Variants in FOLH1 observed in about 807,000 individuals in gnomAD.
FOLH1 encodes the protein glutamate carboxypeptidase 2.
Under a neutral mutation model 93.9 loss-of-function variants are expected in FOLH1, and 54 were observed. That is an observed-to-expected ratio of 0.57 (90% confidence interval 0.46 to 0.72). The LOEUF (loss-of-function observed/expected upper bound fraction) is 0.72. Ranked by LOEUF, FOLH1 falls within the 30% of genes least tolerant of loss-of-function variation. The probability of loss-of-function intolerance (pLI) is 0.00; values close to 1 mark genes in which losing one functional copy is unlikely to be tolerated. For missense variants in FOLH1, 571 were observed against 892.5 expected, an observed-to-expected ratio of 0.64 and a Z score of 4.59; for synonymous variants, 249 against 303.6, an observed-to-expected ratio of 0.82 and a Z score of 1.87.
intron 3 of FOLH1, among the ~76,000 whole-genome samples, chr11:49,197,732 C>T (rs1476608892): frequency 6.6e-6 from 1 of 152,014 alleles, no homozygotes; most frequent in Non-Finnish European, 1.5e-5. Flanking sequence ...AGTAAGAGAA[C>T]ATGGTGGTTG....
At position 49,208,401 on chromosome 11, in the gene FOLH1, A is replaced by G; in HGVS notation, c.9T>C (p.Asn3=). MW[N]LLHETDSAVA... is the part of the protein sequence containing the mutation. ...CAGCCGAGTCGGTTTCGTGAAGGAGATTCCACATCTCGGCGCGAGCAGAGC... is the reference window on the plus strand; with the variant it reads ...CAGCCGAGTCGGTTTCGTGAAGGAGGTTCCACATCTCGGCGCGAGCAGAGC... Residue 3 remains asparagine, a synonymous_variant, in exon 1 of 19, where the codon AAT becomes AAC. Coordinates refer to ENST00000256999, the MANE Select transcript of FOLH1 (RefSeq NM_004476.3). 1.3e-6 allele frequency: 2 copies of G among 1,597,794 alleles called. No homozygotes were observed. The highest frequency in any genetic ancestry group is 1.3e-5 in the African/African-American group (1 of 74,516).
chr11:49,207,963 A>AAAACAAAACG (rs1383199324), intron 1 of FOLH1: 4 of 572,322 alleles, frequency 7.0e-6, no homozygotes, highest in Admixed American at 6.7e-5. Flanking sequence ...AAAACAAAAC[A>AAAACAAAACG]AAACAAAACA....
At chr11:49,161,055 T>A (rs1480784097) in intron 13 of FOLH1, among the ~76,000 whole-genome samples, 7 of 152,224 alleles carry the variant, frequency 4.6e-5, no homozygotes, top group Non-Finnish European at 1.0e-4. Context: ...AATTATGTGA[T>A]CAATTTTAGA....
At chr11:49,157,858 C>A (rs377176906) in intron 14 of FOLH1, 94 bp downstream of exon 14, 29 of 1,245,584 alleles carry the variant, frequency 2.3e-5, no homozygotes, top group South Asian at 2.2e-4. Context: ...CATTTTGAAA[C>A]TTAATTTTTC....
At chr11:49,148,781 CT>C in intron 17 of FOLH1, 50 bp from the exon 18 acceptor site, 1 of 1,475,376 alleles carries the variant, frequency 6.8e-7, no homozygotes, top group Non-Finnish European at 9.1e-7. Flanking sequence ...TATGTTTCTA[CT>C]CAGAAAATAA....
intron 10 of FOLH1, among the ~76,000 whole-genome samples, chr11:49,172,920 C>T (rs138486081): frequency 2.8e-4 from 43 of 152,244 alleles, no homozygotes; most frequent in African/African-American, 9.1e-4. Flanking sequence ...AGACCTAAGA[C>T]CTGTATTTCT....
chr11:49,187,310 G>T (rs3872578), intron 4 of FOLH1, among the ~76,000 whole-genome samples: 76,100 of 151,988 alleles, frequency 0.5, 21,171 homozygotes, highest in Admixed American at 0.62. Context: ...TTGGCTCAAT[G>T]ATCTGCTAGA....
intron 3 of FOLH1, among the ~76,000 whole-genome samples, chr11:49,193,679 T>A (rs1406712919): frequency 6.6e-6 from 1 of 151,918 alleles, no homozygotes; most frequent in African/African-American, 2.4e-5. Flanking sequence ...AAAAAAATAG[T>A]AAGGAATATT....
chr11:49,198,222 A>G (rs1230662482), intron 3 of FOLH1, among the ~76,000 whole-genome samples: 1 of 152,052 alleles, frequency 6.6e-6, no homozygotes, highest in East Asian at 1.9e-4. Context: ...ATCTTAAAAA[A>G]AAACTAACCA....
At chr11:49,182,708 G>A (rs1369764149) in intron 7 of FOLH1, among the ~76,000 whole-genome samples, 1 of 152,170 alleles carries the variant, frequency 6.6e-6, no homozygotes, top group South Asian at 2.1e-4. Context: ...GGAGTGTTGG[G>A]TGCAGCATCT....
At chr11:49,192,956 C>T in intron 3 of FOLH1, 62 bp from the exon 4 acceptor site, 1 of 1,373,430 alleles carries the variant, frequency 7.3e-7, no homozygotes, top group South Asian at 1.6e-5. Context: ...TGTAATCAAA[C>T]ACAAAAAAAA....
At chr11:49,170,379 C>T (rs1398281127) in intron 11 of FOLH1, among the ~76,000 whole-genome samples, 7 of 152,158 alleles carry the variant, frequency 4.6e-5, no homozygotes, top group Admixed American at 3.9e-4. Context: ...CTTTGGGAGG[C>T]CGAGGCAGGC....
chr11:49,149,210 A>G (rs1856170249), intron 17 of FOLH1, among the ~76,000 whole-genome samples: 1 of 152,136 alleles, frequency 6.6e-6, no homozygotes, highest in Non-Finnish European at 1.5e-5. Context: ...ACAAACTACC[A>G]AACAAATTAA....
intron 17 of FOLH1, among the ~76,000 whole-genome samples, chr11:49,153,339 A>C (rs1218544156): frequency 6.6e-6 from 1 of 151,550 alleles, no homozygotes; most frequent in African/African-American, 2.4e-5. Context: ...GGAAATAAGG[A>C]GCTCTATGTG....
rs143789499 is a variant in FOLH1 at position 49,179,882 on chromosome 11, T to C, written c.920+3267A>G. On this transcript the variant is annotated intron_variant, in intron 7 of 18. Transcript: ENST00000256999. ...AATTACTAAAATCAAGAATACAAGA[T>C]AGGACATTACTACTGACTTTACCTA... Among the ~76,000 whole-genome samples the C allele has an allele frequency of 8.7e-3, 1,319 of 152,296 alleles. 20 individuals carry two copies. Among genetic ancestry groups the C allele is most frequent in the African/African-American group, 0.03 (1,248 of 41,574 alleles).
intron 7 of FOLH1, among the ~76,000 whole-genome samples, chr11:49,178,818 G>A (rs2135140254): frequency 6.6e-6 from 1 of 152,256 alleles, no homozygotes; most frequent in South Asian, 2.1e-4. Flanking sequence ...TTAATGTATA[G>A]ACAGTATTGA....
In FOLH1 at chr11:49,208,484, C is replaced by T. The variant is rs1198343354; in HGVS notation, c.-75G>A. ...TCTACTGCGCGCCCTCCAACCACCA[C>T]GGCGGGGTAAAGTCTCTCTCAATCT... is the stretch of plus-strand genomic sequence containing the variant. On this transcript the variant is annotated 5_prime_UTR_variant, in exon 1 of 19. In the 5' UTR this introduces an upstream ATG that the reference lacks. Transcript: ENST00000256999. 2 of 1,019,020 alleles carry T rather than the reference C, an allele frequency of 2.0e-6. No homozygotes were observed. The highest frequency in any genetic ancestry group is 2.9e-6 in the Non-Finnish European group (2 of 689,648). The allele number at this position is 1,019,020 out of a possible 1,614,324, so 63.1% of individuals were successfully genotyped here. A position where few individuals can be genotyped will look rare whatever the true frequency, so the allele number is the denominator to read the frequency against.
intron 15 of FOLH1, among the ~76,000 whole-genome samples, chr11:49,156,231 G>A (rs1159683950): frequency 2.0e-5 from 3 of 151,858 alleles, no homozygotes; most frequent in Non-Finnish European, 2.9e-5. Flanking sequence ...TTTATTAGGA[G>A]CAGGAAAACA....
At chr11:49,192,761 T>G in intron 4 of FOLH1, 32 bp downstream of exon 4, 1 of 1,547,060 alleles carries the variant, frequency 6.5e-7, no homozygotes, top group Non-Finnish European at 8.8e-7. Context: ...GGCTTCTTTT[T>G]GTCATTTTTA....
Sources: gnomAD v4.1 joint callset for allele counts (sites outside exome capture counted in the v4.1 genomes callset) on GRCh38, gnomAD v4.1.1 for gene constraint, MANE v1.5 for transcripts, NCBI Gene and HGNC (gene_info 2026-07-23, HGNC 2026-07-21) for gene names.